The following RAPGEF6 variants were observed in gnomAD, a reference collection of about 807,000 sequenced individuals.
RAPGEF6 encodes PDZ domain containing guanine nucleotide exchange factor (GEF) 2.
In RAPGEF6, 56 loss-of-function variants were observed where a neutral mutation model predicts 171.4. That is an observed-to-expected ratio of 0.33 (90% CI 0.26 to 0.41). RAPGEF6 has a LOEUF of 0.41. Among genes scored for constraint, RAPGEF6 ranks in the 10% least tolerant of loss-of-function variants. The probability of loss-of-function intolerance (pLI) is 1.00; values close to 1 mark genes in which losing one functional copy is unlikely to be tolerated. For missense variants in RAPGEF6, 1,674 were observed against 1,921.4 expected (o/e 0.87, Z 2.41); for synonymous variants, 692 against 650.1 (o/e 1.06, Z -0.98).
chr5:131,437,493 T>C (rs1580821877), intron 24 of RAPGEF6, among the ~76,000 whole-genome samples: 1 of 152,230 alleles, frequency 6.6e-6, no homozygotes, highest in African/African-American at 2.4e-5. Flanking sequence ...ATATGGATAC[T>C]GTTCATTTGG....
rs111711756 is a variant in RAPGEF6 at position 131,446,340 on chromosome 5, T to C, written c.3421+143A>G. The stretch of plus-strand genomic sequence containing the variant: ...TGGATGGGATTCAGTCTGTGATTAA[T>C]TGGATCACATGATGCTTAAGGTATG... On this transcript the variant is annotated intron_variant, in intron 22 of 27. Transcript: ENST00000509018. 2,174 of 731,468 alleles carry C rather than the reference T, an allele frequency of 3.0e-3. 34 individuals are homozygous for C. The African/African-American group carries it at 0.033, about 11-fold the overall frequency. The allele number at this position is 731,468 out of a possible 1,614,324, so 45.3% of individuals were successfully genotyped here. A position where few individuals can be genotyped will look rare whatever the true frequency, so the allele number is the denominator to read the frequency against.
intron 1 of RAPGEF6, among the ~76,000 whole-genome samples, chr5:131,609,154 C>T (rs1157331433): frequency 1.3e-5 from 2 of 152,062 alleles, no homozygotes; most frequent in Non-Finnish European, 2.9e-5. Context: ...CAGTCTGAGG[C>T]CCTCATTGGA....
Position 131,521,449 on chromosome 5 carries a change from G to T in RAPGEF6, c.568C>A (p.Gln190Lys). ...TCACTGGCAATGCTACAACCAGACT[G>T]ACTAGAAGACACATGAGTCACCTGT... ...HPQVTHVSSS[Q>K]SGCSIASDSG... The change falls in exon 7 of 28, where the codon CAG becomes AAG. Residue 190 changes from glutamine to lysine, a missense_variant. Physicochemically the swap from Gln to Lys is moderately conservative, Grantham distance 53. Coordinates refer to ENST00000509018, the MANE Select transcript of RAPGEF6 (RefSeq NM_016340.6). The T allele has an allele frequency of 6.2e-7, 1 of 1,612,666 alleles. No individual in the cohort carries two copies. The highest frequency in any genetic ancestry group is 1.1e-5 in the South Asian group (1 of 90,910).
chr5:131,607,447 T>C (rs1328205730), intron 1 of RAPGEF6, among the ~76,000 whole-genome samples: 3 of 152,214 alleles, frequency 2.0e-5, no homozygotes, highest in Non-Finnish European at 4.4e-5. Context: ...TGATGTGGTG[T>C]TACTTTCCAT....
chr5:131,623,458 A>C (rs1765710589), intron 1 of RAPGEF6, among the ~76,000 whole-genome samples: 1 of 151,264 alleles, frequency 6.6e-6, no homozygotes, highest in South Asian at 2.1e-4. Flanking sequence ...ATAGTAAAGG[A>C]ACAGTATTTT....
At chr5:131,531,878 T>C (rs981501186) in intron 6 of RAPGEF6, among the ~76,000 whole-genome samples, 1 of 152,194 alleles carries the variant, frequency 6.6e-6, no homozygotes, top group Non-Finnish European at 1.5e-5. Flanking sequence ...TCAAATGCAC[T>C]GCATTTTAAG....
At chr5:131,604,746 T>C in intron 1 of RAPGEF6, 53 bp from the exon 2 acceptor site, 1 of 1,535,728 alleles carries the variant, frequency 6.5e-7, no homozygotes. Context: ...CTGTTTAAAA[T>C]ATAAGGCACC....
intron 21 of RAPGEF6, among the ~76,000 whole-genome samples, chr5:131,452,062 T>C (rs1230637625): frequency 6.6e-6 from 1 of 151,978 alleles, no homozygotes; most frequent in Non-Finnish European, 1.5e-5. Flanking sequence ...CTACTAAAAA[T>C]ACAAAAAATT....
Position 131,464,258 on chromosome 5 carries a change from C to T in RAPGEF6, c.2263G>A (p.Val755Ile), listed in dbSNP as rs2149837688. The T allele has an allele frequency of 6.2e-7, 1 of 1,611,262 alleles. No individual in the cohort carries two copies. Among genetic ancestry groups the T allele is most frequent in the East Asian group, 2.2e-5 (1 of 44,818 alleles). Residue 755 changes from valine to isoleucine, a missense_variant, in exon 18 of 28, where the codon GTT becomes ATT. Coordinates refer to ENST00000509018, the MANE Select transcript of RAPGEF6 (RefSeq NM_016340.6). ...CAACTTTGCTGATCCACTTTGAAAA[C>T]TCTTATAACTTGATCAGGGATATCT... ...PSDIPDQVIRVFKVDQQSCYI... is the reference protein window; with the variant it reads ...PSDIPDQVIRIFKVDQQSCYI...
intron 1 of RAPGEF6, among the ~76,000 whole-genome samples, chr5:131,606,049 A>AAAAAG: frequency 7.5e-6 from 1 of 133,490 alleles, no homozygotes; most frequent in East Asian, 1.9e-4. Flanking sequence ...AAAAAAAAAA[A>AAAAAG]AAAAGAAAAA....
At chr5:131,613,834 C>G (rs1765094915) in intron 1 of RAPGEF6, among the ~76,000 whole-genome samples, 1 of 152,094 alleles carries the variant, frequency 6.6e-6, no homozygotes, top group Non-Finnish European at 1.5e-5. Context: ...ACAACAAAGG[C>G]AGGGGCAAAT....
At chr5:131,525,993 C>A (rs1367358592) in intron 6 of RAPGEF6, among the ~76,000 whole-genome samples, 5 of 152,204 alleles carry the variant, frequency 3.3e-5, no homozygotes, top group Non-Finnish European at 5.9e-5. Flanking sequence ...TATCCCAGAT[C>A]ATACACTCAA....
At chr5:131,516,514 G>T (rs73786694) in intron 7 of RAPGEF6, among the ~76,000 whole-genome samples, 4,023 of 152,194 alleles carry the variant, frequency 0.026, 186 homozygotes, top group African/African-American at 0.092. Context: ...TGAAGTCTTG[G>T]GATTTTTAAG....
chr5:131,458,932 C>T (rs776075707), intron 19 of RAPGEF6, among the ~76,000 whole-genome samples: 2 of 152,164 alleles, frequency 1.3e-5, no homozygotes, highest in African/African-American at 2.4e-5. Context: ...GGATCACAGG[C>T]GTGAGCCACC....
intron 1 of RAPGEF6, among the ~76,000 whole-genome samples, chr5:131,626,293 T>C (rs1289671938): frequency 4.6e-5 from 7 of 152,162 alleles, no homozygotes; most frequent in Non-Finnish European, 7.3e-5. Context: ...TAAGACACTG[T>C]CAGTTTAGGG....
intron 17 of RAPGEF6, among the ~76,000 whole-genome samples, chr5:131,467,078 T>C (rs1561486944): frequency 6.6e-6 from 1 of 152,194 alleles, no homozygotes; most frequent in Non-Finnish European, 1.5e-5. Flanking sequence ...GATGTTCTGA[T>C]ACCTTTTATT....
chr5:131,427,829 G>A (rs1031474168), intron 27 of RAPGEF6, among the ~76,000 whole-genome samples: 3 of 152,148 alleles, frequency 2.0e-5, no homozygotes, highest in Non-Finnish European at 4.4e-5. Context: ...CCATCAGTGC[G>A]GGGTACAGTG....
At chr5:131,634,270 C>T (rs1766493968) in intron 1 of RAPGEF6, among the ~76,000 whole-genome samples, 1 of 152,232 alleles carries the variant, frequency 6.6e-6, no homozygotes, top group Non-Finnish European at 1.5e-5. Context: ...TAGCATTCTA[C>T]CGGGATAAGC....
intron 6 of RAPGEF6, among the ~76,000 whole-genome samples, chr5:131,541,435 G>A (rs1225183432): frequency 6.6e-6 from 1 of 152,148 alleles, no homozygotes; most frequent in African/African-American, 2.4e-5. Flanking sequence ...AATGGGGCCA[G>A]AAAGCTGAAA....
Sources: allele counts gnomAD v4.1 joint callset (sites outside exome capture counted in the v4.1 genomes callset), GRCh38; gene constraint gnomAD v4.1.1; transcripts MANE v1.5; gene names NCBI Gene and HGNC (gene_info 2026-07-23, HGNC 2026-07-21).